The following TMOD3 variants were observed in gnomAD, a reference collection of about 807,000 sequenced individuals.
TMOD3 encodes tropomodulin 3, also known as tropomodulin-3.
In TMOD3, 20 loss-of-function variants were observed where a neutral mutation model predicts 39.2. That is an observed-to-expected ratio of 0.51 (90% confidence interval 0.36 to 0.74). The LOEUF (loss-of-function observed/expected upper bound fraction) is 0.74, where lower values mean the gene tolerates loss of function less well. Ranked by LOEUF, TMOD3 falls within the 30% of genes least tolerant of loss-of-function variation. The probability of loss-of-function intolerance (pLI) is 0.00; values close to 1 mark genes in which losing one functional copy is unlikely to be tolerated. For synonymous variants in TMOD3, 143 were observed against 145.8 expected (o/e 0.98, Z 0.14); for missense variants, 381 against 412.8 (o/e 0.92, Z 0.67).
intron 7 of TMOD3, among the ~76,000 whole-genome samples, chr15:51,899,538 C>T (rs948266304): frequency 1.2e-4 from 18 of 151,492 alleles, no homozygotes; most frequent in Non-Finnish European, 2.2e-4. Context: ...TGGTGGCACA[C>T]AACTGTAGTC....
chr15:51,875,907 C>T (rs751359157), intron 3 of TMOD3, among the ~76,000 whole-genome samples: 4 of 151,974 alleles, frequency 2.6e-5, no homozygotes, highest in African/African-American at 7.3e-5. Flanking sequence ...TGTGAGCCAC[C>T]GTGCCCGGCC....
At chr15:51,859,517 A>AT in intron 1 of TMOD3, 11 of 629,046 alleles carry the variant, frequency 1.7e-5, no homozygotes, top group South Asian at 1.4e-4. Context: ...TGTAGCCACC[A>AT]TGTTGATAAG....
At chr15:51,850,173 TTA>T (rs2056354411) in intron 1 of TMOD3, among the ~76,000 whole-genome samples, 1 of 151,954 alleles carries the variant, frequency 6.6e-6, no homozygotes, top group South Asian at 2.1e-4. Context: ...GAAGGAGAGT[TTA>T]TATGTTTTTT....
At chr15:51,883,048 A>T (rs944863849) in intron 3 of TMOD3, among the ~76,000 whole-genome samples, 1 of 152,226 alleles carries the variant, frequency 6.6e-6, no homozygotes, top group African/African-American at 2.4e-5. Flanking sequence ...GGAAGAAAAT[A>T]TGAAGTAATT....
At chr15:51,855,494 A>G (rs1420072768) in intron 1 of TMOD3, among the ~76,000 whole-genome samples, 2 of 152,264 alleles carry the variant, frequency 1.3e-5, no homozygotes, top group Non-Finnish European at 2.9e-5. Flanking sequence ...AGCTTTGCCT[A>G]ACTTACCTGG....
At chr15:51,832,185 C>T (rs1317632006) in intron 1 of TMOD3, among the ~76,000 whole-genome samples, 1 of 84,908 alleles carries the variant, frequency 1.2e-5, no homozygotes, top group African/African-American at 4.0e-5. Flanking sequence ...CCCTGTCTCT[C>T]TAAAAAAAGA....
At position 51,840,064 on chromosome 15, in the gene TMOD3, G is replaced by A. The variant is rs1185995659; in HGVS notation, c.-75+10228G>A. On this transcript the variant is annotated intron_variant, in intron 1 of 9. Coordinates refer to ENST00000308580, the MANE Select transcript of TMOD3 (RefSeq NM_014547.5). ...ATTAGGGGCTGATAATGTAAAAATA[G>A]GTCCTTGCCCTCAAAGTGCTCACAA... 2.0e-5 allele frequency among the ~76,000 whole-genome samples: 3 copies of A among 152,084 alleles called. No homozygotes were observed. The East Asian group carries it at 5.8e-4, about 29-fold the overall frequency.
chr15:51,868,677 A>G (rs937021673), intron 2 of TMOD3, among the ~76,000 whole-genome samples: 2 of 152,226 alleles, frequency 1.3e-5, no homozygotes, highest in African/African-American at 2.4e-5. Flanking sequence ...AAAATGTTCT[A>G]TTAGAAAACG....
At chr15:51,902,083 CG>C (rs1566868342) in intron 9 of TMOD3, 47 bp downstream of exon 9, 1 of 1,594,512 alleles carries the variant, frequency 6.3e-7, no homozygotes, top group African/African-American at 1.4e-5. Context: ...CACAAGCTAA[CG>C]TATTGGGGGA....
intron 1 of TMOD3, among the ~76,000 whole-genome samples, chr15:51,855,228 A>G (rs143962984): frequency 2.6e-4 from 39 of 152,368 alleles, no homozygotes; most frequent in African/African-American, 9.4e-4. Context: ...GAGCACCTCT[A>G]GAGCAGTAGA....
intron 9 of TMOD3, among the ~76,000 whole-genome samples, 178 bp downstream of exon 9, chr15:51,902,214 G>T (rs1210948757): frequency 6.6e-6 from 1 of 152,134 alleles, no homozygotes; most frequent in Non-Finnish European, 1.5e-5. Context: ...AGGTTGTGAT[G>T]ATTGGGTCAA....
At chr15:51,838,785 C>G (rs2056298926) in intron 1 of TMOD3, among the ~76,000 whole-genome samples, 3 of 152,116 alleles carry the variant, frequency 2.0e-5, no homozygotes, top group African/African-American at 4.8e-5. Flanking sequence ...GTGCTTTCCC[C>G]TTAGCTTCAG....
chr15:51,900,062 G>T (rs1456643678), intron 7 of TMOD3, 93 bp from the exon 8 acceptor site: 2 of 877,178 alleles, frequency 2.3e-6, no homozygotes, highest in Admixed American at 3.2e-5. Context: ...CAAACATTAA[G>T]GCAGTTAATT....
At chr15:51,841,748 G>C (rs1348535596) in intron 1 of TMOD3, among the ~76,000 whole-genome samples, 1 of 152,050 alleles carries the variant, frequency 6.6e-6, no homozygotes, top group African/African-American at 2.4e-5. Context: ...CATTATTTCA[G>C]TAGTTTTTTA....
chr15:51,915,495 G>A lies in TMOD3; in HGVS notation c.*6685G>A, dbSNP rs985667967. 4 of 151,656 alleles carry A rather than the reference G, an allele frequency of 2.6e-5. No individual in the cohort carries two copies. The highest frequency in any genetic ancestry group is 2.1e-4 in the South Asian group (1 of 4,796). 9.4% of individuals were successfully genotyped at this position (151,656 alleles called of 1,614,324 possible). On this transcript the variant is annotated 3_prime_UTR_variant, in exon 10 of 10. Transcript: ENST00000308580. Reference sequence around the variant, plus strand: ...TTGTCACATGAAATCAGGTATTTACGTTTTTTTCTAATGCTAAAATATCCA... The same window carrying A: ...TTGTCACATGAAATCAGGTATTTACATTTTTTTCTAATGCTAAAATATCCA...
intron 1 of TMOD3, among the ~76,000 whole-genome samples, chr15:51,839,165 C>CTTTTCTTTTT (rs2056301129): frequency 9.2e-6 from 1 of 108,970 alleles, no homozygotes; most frequent in African/African-American, 3.1e-5. Context: ...GTGTATCTCT[C>CTTTTCTTTTT]TTTTTTTTTT....
intron 3 of TMOD3, chr15:51,875,330 A>G (rs2056496525): frequency 6.6e-6 from 1 of 152,136 alleles, no homozygotes; most frequent in Non-Finnish European, 1.5e-5. Flanking sequence ...TCCCTTGTAG[A>G]CCTCTGAAAA....
chr15:51,900,028 G>A, intron 7 of TMOD3, 127 bp from the exon 8 acceptor site: 2 of 930,864 alleles, frequency 2.1e-6, no homozygotes, highest in Non-Finnish European at 3.2e-6. Context: ...ATGGGCTACT[G>A]TGTCAAACTG....
rs753814979 is a variant in TMOD3, at chr15:51,881,550, CTTTTTTTTTTTT to C, written c.284-6022_284-6011del. Among the ~76,000 whole-genome samples, 583 of 61,864 alleles carry C rather than the reference CTTTTTTTTTTTT, an allele frequency of 9.4e-3. 4 individuals are homozygous for C. Among genetic ancestry groups the C allele is most frequent in the African/African-American group, 0.038 (550 of 14,626 alleles). 40.6% of individuals were successfully genotyped at this position (61,864 alleles called of 152,430 possible). Reference sequence around the variant, plus strand: ...ACGGAGATACAATCTTTCTTTATTTCTTTTTTTTTTTTTTTTTTTTTTTTTTTTGAGACAGAG... The same window carrying C: ...ACGGAGATACAATCTTTCTTTATTTCTTTTTTTTTTTTTTTTGAGACAGAG... On this transcript the variant is annotated intron_variant, in intron 3 of 9. Coordinates refer to ENST00000308580, the MANE Select transcript of TMOD3 (RefSeq NM_014547.5).
Sources: allele counts gnomAD v4.1 joint callset (sites outside exome capture counted in the v4.1 genomes callset), GRCh38; gene constraint gnomAD v4.1.1; transcripts MANE v1.5; gene names NCBI Gene and HGNC (gene_info 2026-07-23, HGNC 2026-07-21).